Variants in DLG1 observed in about 807,000 individuals in gnomAD.
DLG1 encodes the protein discs large MAGUK scaffold protein 1.
In DLG1, 42 loss-of-function variants were observed where a neutral mutation model predicts 123.4. That is an observed-to-expected ratio of 0.34 (90% CI 0.27 to 0.44). DLG1 has a LOEUF of 0.44. Ranked by LOEUF, DLG1 falls within the 20% of genes least tolerant of loss-of-function variation. The probability of loss-of-function intolerance (pLI) is 1.00; values close to 1 mark genes in which losing one functional copy is unlikely to be tolerated. For synonymous variants in DLG1, 317 were observed against 356.2 expected, an observed-to-expected ratio of 0.89 and a Z score of 1.24; for missense variants, 942 against 1,082.6, an observed-to-expected ratio of 0.87 and a Z score of 1.82.
intron 8 of DLG1, 92 bp downstream of exon 8, chr3:197,140,048 T>C: frequency 7.2e-7 from 1 of 1,385,966 alleles, no homozygotes; most frequent in East Asian, 2.3e-5. Flanking sequence ...ATCATGATCG[T>C]GTTTGTTATT....
chr3:197,126,574 T>C (rs945326128), intron 11 of DLG1, among the ~76,000 whole-genome samples: 1 of 152,046 alleles, frequency 6.6e-6, no homozygotes, highest in Admixed American at 6.5e-5. Context: ...TAAAATAAGA[T>C]ACTTGAATTG....
Position 197,093,387 on chromosome 3 carries a change from G to C in DLG1, c.1547-2361C>G, listed in dbSNP as rs183276637. 1.1e-3 allele frequency among the ~76,000 whole-genome samples: 175 copies of C among 152,202 alleles called. 1 individual carries two copies. The highest frequency in any genetic ancestry group is 6.8e-3 in the Middle Eastern group (2 of 294). ...TTGGCCAGGATGGTCTCAATCTCTTGACCTCGTAATCCGCCTGCCTCGGCC... is the reference window on the plus strand; with the variant it reads ...TTGGCCAGGATGGTCTCAATCTCTTCACCTCGTAATCCGCCTGCCTCGGCC... On this transcript the variant is annotated intron_variant, in intron 14 of 24. Transcript: ENST00000667157.
chr3:197,218,720 T>C (rs1484801612), intron 4 of DLG1, among the ~76,000 whole-genome samples: 2 of 152,162 alleles, frequency 1.3e-5, no homozygotes, highest in African/African-American at 4.8e-5. Flanking sequence ...AAAATAACAA[T>C]GTAAATTATG....
rs552024754 is a variant in DLG1 at position 197,181,125 on chromosome 3, A to G, written c.483+13300T>C. 3.3e-5 allele frequency among the ~76,000 whole-genome samples: 5 copies of G among 152,264 alleles called. No homozygotes were observed. In the East Asian group the frequency reaches 9.6e-4, roughly 29 times the overall value. Reference sequence around the variant, plus strand: ...CAAGCAATTTAAATGAATCTGTAAAATAAGTACAGGTTCTTTTTATGTATT... The same window carrying G: ...CAAGCAATTTAAATGAATCTGTAAAGTAAGTACAGGTTCTTTTTATGTATT... On this transcript the variant is annotated intron_variant, in intron 5 of 24. Coordinates refer to ENST00000667157, the MANE Select transcript of DLG1 (RefSeq NM_001366207.1).
chr3:197,195,929 T>G (rs1251636186), intron 4 of DLG1, among the ~76,000 whole-genome samples: 2 of 151,800 alleles, frequency 1.3e-5, no homozygotes, highest in Non-Finnish European at 2.9e-5. Context: ...ACGCTCAGCT[T>G]CTTTAGTGAG....
At chr3:197,280,813 T>A (rs1768933147) in intron 4 of DLG1, among the ~76,000 whole-genome samples, 1 of 152,194 alleles carries the variant, frequency 6.6e-6, no homozygotes, top group Admixed American at 6.5e-5. Flanking sequence ...ACAATAAATG[T>A]GAAATAACTG....
chr3:197,105,065 ATAG>A, intron 13 of DLG1, 60 bp from the exon 14 acceptor site: 1 of 1,105,414 alleles, frequency 9.0e-7, no homozygotes, highest in Non-Finnish European at 1.3e-6. Flanking sequence ...AGAAATCACA[ATAG>A]TCTATTCTTT....
chr3:197,045,052 T>C (rs1310644121), intron 24 of DLG1, among the ~76,000 whole-genome samples: 2 of 152,014 alleles, frequency 1.3e-5, no homozygotes, highest in Non-Finnish European at 1.5e-5. Context: ...TCCATAAACA[T>C]ATGTAGAAAA....
At chr3:197,117,819 T>G (rs999073673) in intron 12 of DLG1, among the ~76,000 whole-genome samples, 1 of 152,168 alleles carries the variant, frequency 6.6e-6, no homozygotes, top group Non-Finnish European at 1.5e-5. Flanking sequence ...AATGTCAAAT[T>G]TTGTTATATA....
At chr3:197,080,974 T>C in intron 17 of DLG1, 77 bp downstream of exon 17, 6 of 1,358,948 alleles carry the variant, frequency 4.4e-6, no homozygotes, top group Non-Finnish European at 4.1e-6. Flanking sequence ...TGAATAATTC[T>C]GATAGCAAAA....
At chr3:197,126,266 G>A (rs1290172398) in intron 11 of DLG1, among the ~76,000 whole-genome samples, 1 of 151,880 alleles carries the variant, frequency 6.6e-6, no homozygotes, top group Non-Finnish European at 1.5e-5. Flanking sequence ...ATCTGAGGTC[G>A]GGAGTTCGAG....
chr3:197,225,942 T>C (rs1484392825), intron 4 of DLG1: 7 of 152,650 alleles, frequency 4.6e-5, no homozygotes, highest in Non-Finnish European at 1.0e-4. Context: ...ATCCAAGTTT[T>C]TGATGCTAGG....
intron 5 of DLG1, among the ~76,000 whole-genome samples, chr3:197,179,708 G>A (rs1809084058): frequency 6.6e-6 from 1 of 152,132 alleles, no homozygotes; most frequent in African/African-American, 2.4e-5. Flanking sequence ...TTTGGTAGAA[G>A]TGACTCAATG....
intron 4 of DLG1, among the ~76,000 whole-genome samples, chr3:197,264,224 A>T (rs1760744924): frequency 6.6e-6 from 1 of 152,198 alleles, no homozygotes; most frequent in Admixed American, 6.5e-5. Flanking sequence ...GACCTCAAAC[A>T]TCAGTTTTAT....
intron 22 of DLG1, among the ~76,000 whole-genome samples, chr3:197,064,195 ATTTT>A (rs58846947): frequency 2.3e-3 from 271 of 116,048 alleles, no homozygotes; most frequent in Non-Finnish European, 4.1e-3. Context: ...GCCTGGCCTT[ATTTT>A]TTTTTTTTTT....
intron 24 of DLG1, among the ~76,000 whole-genome samples, chr3:197,051,074 T>C (rs758096167): frequency 3.9e-5 from 6 of 152,178 alleles, no homozygotes; most frequent in Non-Finnish European, 8.8e-5. Context: ...CTAAGAAACA[T>C]TAAATTTCAA....
intron 13 of DLG1, 128 bp downstream of exon 13, chr3:197,115,799 G>T: frequency 1.2e-6 from 1 of 867,614 alleles, no homozygotes; most frequent in Non-Finnish European, 1.8e-6. Flanking sequence ...CTACAATTAA[G>T]CTGTAAAATG....
At chr3:197,169,965 C>T (rs1002931170) in intron 5 of DLG1, among the ~76,000 whole-genome samples, 28 of 152,168 alleles carry the variant, frequency 1.8e-4, no homozygotes. Flanking sequence ...TATGCGTCCA[C>T]CTGTTCTCAT....
chr3:197,274,951 G>A (rs1035354268), intron 4 of DLG1, among the ~76,000 whole-genome samples: 15 of 152,168 alleles, frequency 9.9e-5, no homozygotes, highest in Admixed American at 3.3e-4. Flanking sequence ...ATGGGAGGCC[G>A]AGGCAGGCAG....
Sources: gnomAD v4.1 joint callset for allele counts (sites outside exome capture counted in the v4.1 genomes callset) on GRCh38, gnomAD v4.1.1 for gene constraint, MANE v1.5 for transcripts, NCBI Gene and HGNC (gene_info 2026-07-23, HGNC 2026-07-21) for gene names.